ZNF536: variants seen among roughly 807,000 people sequenced by gnomAD.
ZNF536 encodes zinc finger protein 536.
ZNF536 carries 13 observed loss-of-function variants against 84.5 expected under a neutral mutation model. The ratio of observed to expected loss-of-function variants is 0.15; its 90% CI spans 0.10 to 0.24. The LOEUF is 0.24. Ranked by LOEUF, ZNF536 falls within the 10% of genes least tolerant of loss-of-function variation. The pLI, the probability that ZNF536 is intolerant of heterozygous loss-of-function variation, is 1.00. For missense variants in ZNF536, 1,536 were observed against 1,747.5 expected (o/e 0.88, Z 2.16); for synonymous variants, 811 against 742.5 (o/e 1.09, Z -1.50).
At chr19:30,577,964 T>C (rs756085343) in intron 1 of ZNF536, among the ~76,000 whole-genome samples, 4 of 152,198 alleles carry the variant, frequency 2.6e-5, no homozygotes, top group Non-Finnish European at 4.4e-5. Context: ...GGAAAATGAA[T>C]CACTCTTTTA....
intron 1 of ZNF536, among the ~76,000 whole-genome samples, chr19:30,687,341 A>G (rs1438850422): frequency 6.6e-6 from 1 of 152,220 alleles, no homozygotes; most frequent in South Asian, 2.1e-4. Flanking sequence ...CTGAACTTTG[A>G]TGAATTCGAG....
At chr19:30,413,279 C>T (rs1489837608) in intron 1 of ZNF536, among the ~76,000 whole-genome samples, 1 of 151,930 alleles carries the variant, frequency 6.6e-6, no homozygotes, top group Non-Finnish European at 1.5e-5. Context: ...TTTTATTACC[C>T]CCCTCCCTAG....
intron 1 of ZNF536, among the ~76,000 whole-genome samples, chr19:30,620,562 C>T (rs2048447766): frequency 6.6e-6 from 1 of 152,146 alleles, no homozygotes; most frequent in South Asian, 2.1e-4. Context: ...ACCCTCCCTC[C>T]TCTGAGACGG....
chr19:30,478,839 C>T (rs1044347938), intron 2 of ZNF536, among the ~76,000 whole-genome samples: 1 of 152,204 alleles, frequency 6.6e-6, no homozygotes, highest in East Asian at 1.9e-4. Flanking sequence ...TGAACCAATG[C>T]ACTTAGTGCA....
At chr19:30,651,988 G>T (rs2049725028) in intron 1 of ZNF536, among the ~76,000 whole-genome samples, 1 of 152,168 alleles carries the variant, frequency 6.6e-6, no homozygotes, top group Non-Finnish European at 1.5e-5. Context: ...AATGCAGGAA[G>T]AATTTTTACC....
intron 1 of ZNF536, among the ~76,000 whole-genome samples, chr19:30,588,720 C>T (rs1478374245): frequency 1.3e-5 from 2 of 152,124 alleles, no homozygotes; most frequent in Admixed American, 1.3e-4. Flanking sequence ...TTGCTTCTAG[C>T]TGGTGTTTAA....
intron 1 of ZNF536, among the ~76,000 whole-genome samples, chr19:30,634,693 G>C (rs950872954): frequency 1.3e-5 from 2 of 152,074 alleles, no homozygotes; most frequent in Non-Finnish European, 2.9e-5. Flanking sequence ...GCATCCACGC[G>C]TGTGAATGAG....
At chr19:30,319,262 C>T (rs1600204466) in intron 2 of ZNF536, among the ~76,000 whole-genome samples, 1 of 152,220 alleles carries the variant, frequency 6.6e-6, no homozygotes, top group Non-Finnish European at 1.5e-5. Flanking sequence ...GTGGCAGGAA[C>T]ATGCTGGAAT....
chr19:30,701,242 A>G (rs1568686004), intron 1 of ZNF536, among the ~76,000 whole-genome samples: 1 of 148,346 alleles, frequency 6.7e-6, no homozygotes, highest in Non-Finnish European at 1.5e-5. Flanking sequence ...GACACACACA[A>G]ACACAAACAC....
At chr19:30,593,164 C>T (rs541058397) in intron 1 of ZNF536, among the ~76,000 whole-genome samples, 22 of 152,292 alleles carry the variant, frequency 1.4e-4, no homozygotes, top group Non-Finnish European at 2.6e-4. Context: ...CTCGCTCCGG[C>T]CTCTTTCTCG....
At chr19:30,323,718 G>A (rs549224136) in intron 2 of ZNF536, among the ~76,000 whole-genome samples, 1 of 152,318 alleles carries the variant, frequency 6.6e-6, no homozygotes, top group African/African-American at 2.4e-5. Context: ...GATGGTCTGG[G>A]CCATGATTAG....
chr19:30,621,380 G>T (rs976962501), intron 1 of ZNF536, among the ~76,000 whole-genome samples: 2 of 152,016 alleles, frequency 1.3e-5, no homozygotes, highest in Non-Finnish European at 2.9e-5. Flanking sequence ...CAGAGTTTTA[G>T]AAAGGGGGTG....
intron 1 of ZNF536, among the ~76,000 whole-genome samples, chr19:30,690,825 C>A (rs1215164273): frequency 6.6e-6 from 1 of 152,208 alleles, no homozygotes; most frequent in Non-Finnish European, 1.5e-5. Flanking sequence ...CTGTCCCATT[C>A]TTAAAACCAA....
chr19:30,445,141 A>G lies in ZNF536; in HGVS notation c.1579A>G (p.Met527Val), dbSNP rs2052259279. The change falls in exon 2 of 5, where the codon ATG becomes GTG. Residue 527 changes from methionine (M) to valine (V), a missense_variant. Transcript: ENST00000355537. This position sits in a 1 kb window ranked among gnomAD's most constrained non-coding sequence, Gnocchi z 4.5. ...PVNSYQAWQL[M>V]ARGMAMEHGF... ...GAACAGCTACCAGGCTTGGCAGCTC[A>G]TGGCCAGGGGCATGGCCATGGAACA... 1.9e-6 allele frequency: 3 copies of G among 1,614,078 alleles called. No individual in the cohort carries two copies. Among genetic ancestry groups the G allele is most frequent in the East Asian group, 2.2e-5 (1 of 44,840 alleles).
At chr19:30,689,936 T>C (rs912225717) in intron 1 of ZNF536, among the ~76,000 whole-genome samples, 1 of 152,256 alleles carries the variant, frequency 6.6e-6, no homozygotes, top group East Asian at 1.9e-4. Flanking sequence ...TTTGGCATCA[T>C]GGATTTTAAC....
rs375093990 is a variant in ZNF536, at chr19:30,266,507, G to A, written c.-189-17565G>A. On this transcript the variant is annotated intron_variant, in intron 1 of 5. Coordinates refer to the ZNF536 transcript ENST00000585628. ...TGTTTAATTATTCATTGGTGTTCTC[G>A]TCTGTATCTCTCTCCTCCTTGATTG... is the stretch of plus-strand genomic sequence containing the variant. Among the ~76,000 whole-genome samples, 133 of 152,152 alleles carry A rather than the reference G, an allele frequency of 8.7e-4. 1 individual carries two copies. Among genetic ancestry groups the A allele is most frequent in the African/African-American group, 3.1e-3 (128 of 41,508 alleles).
intron 3 of ZNF536, among the ~76,000 whole-genome samples, chr19:30,542,792 A>G (rs1307648424): frequency 6.6e-6 from 1 of 152,180 alleles, no homozygotes; most frequent in Admixed American, 6.5e-5. Context: ...GATACTGCAC[A>G]CAGAAACCTC....
chr19:30,646,163 C>T (rs1172829826), intron 1 of ZNF536, among the ~76,000 whole-genome samples: 2 of 152,154 alleles, frequency 1.3e-5, no homozygotes, highest in South Asian at 2.1e-4. Flanking sequence ...TCTCACGATT[C>T]CTCTCCCCTC....
intron 1 of ZNF536, among the ~76,000 whole-genome samples, chr19:30,421,634 A>T (rs193049582): frequency 5.1e-4 from 78 of 152,322 alleles, no homozygotes; most frequent in African/African-American, 1.8e-3. Context: ...AAGTACTGGG[A>T]TTTCGGGCGT....
Sources: gnomAD v4.1 joint callset for allele counts (sites outside exome capture counted in the v4.1 genomes callset) on GRCh38, gnomAD v4.1.1 for gene constraint, Gnocchi (gnomAD v3.1) non-coding constraint, MANE v1.5 for transcripts, NCBI Gene and HGNC (gene_info 2026-07-23, HGNC 2026-07-21) for gene names.